LPCAT4: variants seen among roughly 807,000 people sequenced by gnomAD.
LPCAT4 encodes lysophosphatidylcholine acyltransferase 4.
LPCAT4 carries 30 observed loss-of-function variants against 66.5 expected under a neutral mutation model. That is an observed-to-expected ratio of 0.45 (90% CI 0.34 to 0.61). The LOEUF is 0.61. Among genes scored for constraint, LPCAT4 ranks in the 20% least tolerant of loss-of-function variants. The probability of loss-of-function intolerance (pLI) is 0.01; values close to 1 mark genes in which losing one functional copy is unlikely to be tolerated. For synonymous variants in LPCAT4, 253 were observed against 262.1 expected (o/e 0.97, Z 0.34); for missense variants, 557 against 656.7 (o/e 0.85, Z 1.66).
intron 11 of LPCAT4, 36 bp from the exon 12 acceptor site, chr15:34,360,245 C>T (rs771779808): frequency 6.6e-7 from 1 of 1,519,816 alleles, no homozygotes; most frequent in African/African-American, 1.4e-5. Flanking sequence ...ATGCGGGGAC[C>T]CTGCGCCTCC....
intron 2 of LPCAT4, 124 bp downstream of exon 2, chr15:34,365,435 C>A: frequency 1.5e-6 from 2 of 1,375,790 alleles, no homozygotes; most frequent in East Asian, 4.7e-5. Flanking sequence ...TTGGCTGACT[C>A]ATCTCATCTA....
intron 11 of LPCAT4, 31 bp from the exon 12 acceptor site, chr15:34,360,240 G>A (rs1272998267): frequency 1.3e-6 from 2 of 1,563,438 alleles, no homozygotes; most frequent in Admixed American, 3.3e-5. Flanking sequence ...GGGCAATGCG[G>A]GGACCCTGCG....
At chr15:34,361,662 G>C (rs2140166454) in intron 10 of LPCAT4, 130 bp from the exon 11 acceptor site, 1 of 1,059,686 alleles carries the variant, frequency 9.4e-7, no homozygotes, top group African/African-American at 1.6e-5. Flanking sequence ...AAGATGTACT[G>C]ACTCACAGTC....
intron 1 of LPCAT4, 43 bp downstream of exon 1, chr15:34,366,944 C>T (rs750373044): frequency 1.3e-6 from 2 of 1,535,068 alleles, no homozygotes; most frequent in South Asian, 1.2e-5. Flanking sequence ...CCCCATTTTC[C>T]TATCCTCACG....
rs764370629 is a variant in LPCAT4 at position 34,363,988 on chromosome 15, C to T, written c.652+25G>A. On this transcript the variant is annotated intron_variant, in intron 5 of 13. Coordinates refer to ENST00000314891, the MANE Select transcript of LPCAT4 (RefSeq NM_153613.3). This position sits in a 1 kb window ranked among gnomAD's most constrained non-coding sequence, Gnocchi z 4.3. Reference sequence around the variant, plus strand: ...TCTGGAACTTCTTTTTCCTACAGCCCACCACCCACTATCATTTTATTCACC... The same window carrying T: ...TCTGGAACTTCTTTTTCCTACAGCCTACCACCCACTATCATTTTATTCACC... 1.4e-5 allele frequency: 23 copies of T among 1,605,374 alleles called. No homozygotes were observed. Among genetic ancestry groups the T allele is most frequent in the Non-Finnish European group, 2.0e-5 (23 of 1,172,722 alleles).
chr15:34,366,969 C>G lies in LPCAT4; in HGVS notation c.114+18G>C. 6.5e-7 allele frequency: 1 copy of G among 1,548,306 alleles called. No individual in the cohort carries two copies. Among genetic ancestry groups the G allele is most frequent in the Non-Finnish European group, 8.7e-7 (1 of 1,143,838 alleles). Reference sequence around the variant, plus strand: ...CTATCCTCACGGGTCCTTCCGACGCCCGCTCCCCACACATTACCTTAACCC... The same window carrying G: ...CTATCCTCACGGGTCCTTCCGACGCGCGCTCCCCACACATTACCTTAACCC... On this transcript the variant is annotated intron_variant, in intron 1 of 13. Coordinates refer to ENST00000314891, the MANE Select transcript of LPCAT4 (RefSeq NM_153613.3).
chr15:34,359,879 T>G, intron 12 of LPCAT4, 134 bp from the exon 13 acceptor site: 2 of 939,770 alleles, frequency 2.1e-6, no homozygotes, highest in Non-Finnish European at 3.2e-6. Flanking sequence ...TCCAGTGCCC[T>G]TTCTGCAGAA....
In LPCAT4 at chr15:34,365,095, T is replaced by C. The variant is rs761274648; in HGVS notation, c.391A>G (p.Thr131Ala). 1.5e-5 allele frequency: 24 copies of C among 1,613,820 alleles called. No homozygotes were observed. The highest frequency in any genetic ancestry group is 2.0e-5 in the Non-Finnish European group (24 of 1,179,992). Residue 131 changes from threonine to alanine, a missense_variant, in exon 3 of 14, where the codon ACT becomes GCT. Thr to Ala is a moderately conservative substitution (Grantham distance 58). Transcript: ENST00000314891. ...APVLVAAPHS[T>A]FFDPIVLLPC... ...AGCAGAACAATGGGGTCAAAGAAAG[T>C]GGAGTGTGGGGCAGCAACAAGGACA...
At position 34,367,125 on chromosome 15, in the gene LPCAT4, CA is replaced by C; in HGVS notation, c.-26del. 6.6e-7 allele frequency: 1 copy of C among 1,515,408 alleles called. No homozygotes were observed. Among genetic ancestry groups the C allele is most frequent in the Non-Finnish European group, 8.8e-7 (1 of 1,130,540 alleles). 93.9% of individuals were successfully genotyped at this position (1,515,408 alleles called of 1,614,324 possible). On this transcript the variant is annotated 5_prime_UTR_variant, in exon 1 of 14. Transcript: ENST00000314891. ...TGGCGGGAGAAGGTGGGAGGGAGGGCACCCCGGCCCTGGCCCCGGCCACCAC... is the reference window on the plus strand; with the variant it reads ...TGGCGGGAGAAGGTGGGAGGGAGGGCCCCCGGCCCTGGCCCCGGCCACCAC...
intron 3 of LPCAT4, chr15:34,364,806 C>T (rs1307719548): frequency 5.3e-6 from 3 of 566,572 alleles, no homozygotes; most frequent in Non-Finnish European, 9.4e-6. Flanking sequence ...TTTTAGAGAA[C>T]TGACCAGAAC....
rs754682523 is a variant in LPCAT4, at chr15:34,362,256, C to G, written c.950G>C (p.Arg317Pro). ...CTGTGGTTCCAACGCCACCTTCAGC[C>G]GGCCCACCACAATCACAGGTAAGCT... The part of the protein sequence containing the change: ...VGSLPVIVVG[R>P]LKVALEPQLW... The change falls in exon 10 of 14, where the codon CGG (arginine) becomes CCG (proline). Residue 317 changes from arginine to proline, a missense_variant. Arg to Pro is a moderately radical substitution (Grantham distance 103). Around this residue, in one of 4 missense-constraint regions of LPCAT4, gnomAD observed 392 missense variants for 473.9 expected, o/e 0.83. Transcript: ENST00000314891. 6.2e-7 allele frequency: 1 copy of G among 1,614,022 alleles called. No homozygotes were observed. The highest frequency in any genetic ancestry group is 1.7e-5 in the Admixed American group (1 of 59,998).
intron 1 of LPCAT4, among the ~76,000 whole-genome samples, chr15:34,366,643 C>A (rs1392931940): frequency 6.6e-6 from 1 of 150,686 alleles, no homozygotes; most frequent in East Asian, 2.0e-4. Context: ...CCCGGCTTCC[C>A]GTAGACTCTA....
intron 12 of LPCAT4, 177 bp from the exon 13 acceptor site, chr15:34,359,922 C>A: frequency 1.2e-6 from 1 of 820,480 alleles, no homozygotes; most frequent in Non-Finnish European, 1.9e-6. Context: ...CTTCTTCTTC[C>A]TTCTTCTTGT....
intron 3 of LPCAT4, chr15:34,364,737 A>G: frequency 2.4e-6 from 1 of 411,138 alleles, no homozygotes; most frequent in Non-Finnish European, 4.4e-6. Context: ...TATAGGCGCG[A>G]GCCACCGTGC....
At chr15:34,359,952 T>C in intron 12 of LPCAT4, 159 bp downstream of exon 12, 2 of 802,472 alleles carry the variant, frequency 2.5e-6, no homozygotes, top group South Asian at 1.7e-5. Context: ...GGTCTCAACA[T>C]AGAGGCCGGG....
intron 10 of LPCAT4, 134 bp from the exon 11 acceptor site, chr15:34,361,666 C>A: frequency 9.7e-7 from 1 of 1,032,068 alleles, no homozygotes; most frequent in Non-Finnish European, 1.4e-6. Context: ...TGTACTGACT[C>A]ACAGTCCCTT....
chr15:34,362,396 C>T, intron 9 of LPCAT4, 75 bp from the exon 10 acceptor site: 1 of 1,576,836 alleles, frequency 6.3e-7, no homozygotes, highest in Non-Finnish European at 8.7e-7. Context: ...CTGACCCTGG[C>T]CCGCTGACTG....
chr15:34,361,664 C>T, intron 10 of LPCAT4, 132 bp from the exon 11 acceptor site: 1 of 1,029,292 alleles, frequency 9.7e-7, no homozygotes, highest in Non-Finnish European at 1.4e-6. Context: ...GATGTACTGA[C>T]TCACAGTCCC....
In LPCAT4 at chr15:34,362,592, CAT is replaced by C; in HGVS notation, c.863_864del (p.Asn288SerfsTer17). 1 of 1,560,026 alleles carries C rather than the reference CAT, an allele frequency of 6.4e-7. No individual in the cohort carries two copies. The highest frequency in any genetic ancestry group is 8.7e-7 in the Non-Finnish European group (1 of 1,152,802). On this transcript the variant is annotated frameshift_variant, in exon 9 of 14. Coordinates refer to ENST00000314891, the MANE Select transcript of LPCAT4 (RefSeq NM_153613.3). LOFTEE classifies it high-confidence loss of function. ...ESRDPTLYAN[N>X]VQRVMAQALG... ...ACTCACTGTGCCATGACCCTCTGAA[CAT>C]TGTTGGCATAGAGGGTGGGGTCCCT...
Sources: gnomAD v4.1 joint callset for allele counts (sites outside exome capture counted in the v4.1 genomes callset) on GRCh38, gnomAD v4.1.1 for gene constraint, gnomAD v4.1.1 regional missense constraint, Gnocchi (gnomAD v3.1) non-coding constraint, MANE v1.5 for transcripts, NCBI Gene and HGNC (gene_info 2026-07-23, HGNC 2026-07-21) for gene names.